Variants in RBFOX1 observed in about 807,000 individuals in gnomAD.
RBFOX1 encodes the protein RNA binding fox-1 homolog 1.
A neutral mutation model predicts 57.7 loss-of-function variants in RBFOX1; 8 were observed. That is an observed-to-expected ratio of 0.14 (90% CI 0.08 to 0.25). RBFOX1 has a LOEUF of 0.25. RBFOX1 is among the 10% of genes least tolerant of loss of function. RBFOX1 has a pLI of 1.00. For synonymous variants in RBFOX1, 326 were observed against 222.4 expected, an observed-to-expected ratio of 1.47 and a Z score of -4.15; for missense variants, 611 against 548.5, an observed-to-expected ratio of 1.11 and a Z score of -1.14.
At chr16:7,184,871 A>G (rs577858711) in intron 4 of RBFOX1, among the ~76,000 whole-genome samples, 5 of 152,184 alleles carry the variant, frequency 3.3e-5, no homozygotes, top group Non-Finnish European at 5.9e-5. Flanking sequence ...TACTAACACT[A>G]TTAATAATGT....
intron 2 of RBFOX1, among the ~76,000 whole-genome samples, chr16:5,497,063 A>T (rs1367272918): frequency 6.6e-6 from 1 of 152,118 alleles, no homozygotes; most frequent in East Asian, 1.9e-4. Flanking sequence ...ATCGTTTTTT[A>T]TCCAGACAAT....
chr16:5,953,062 A>G (rs905646911), intron 4 of RBFOX1, among the ~76,000 whole-genome samples: 11 of 151,842 alleles, frequency 7.2e-5, no homozygotes, highest in Non-Finnish European at 1.0e-4. Context: ...GATTATCAAG[A>G]AAGTACCACT....
At chr16:6,521,526 C>T (rs1157779190) in intron 2 of RBFOX1, among the ~76,000 whole-genome samples, 1 of 146,962 alleles carries the variant, frequency 6.8e-6, no homozygotes, top group Non-Finnish European at 1.5e-5. Flanking sequence ...CTTTTCCCTC[C>T]CTCCTTCCTC....
intron 4 of RBFOX1, among the ~76,000 whole-genome samples, chr16:5,977,763 C>G (rs1162226388): frequency 2.0e-5 from 3 of 152,106 alleles, no homozygotes; most frequent in Admixed American, 6.5e-5. Context: ...GGGCAGGCAA[C>G]TAGCCCACTG....
At chr16:6,128,192 CTT>C (rs2096603995) in intron 1 of RBFOX1, among the ~76,000 whole-genome samples, 2 of 151,924 alleles carry the variant, frequency 1.3e-5, no homozygotes, top group Admixed American at 6.6e-5. Flanking sequence ...ATAGAATAAA[CTT>C]TTGATATATT....
intron 2 of RBFOX1, among the ~76,000 whole-genome samples, chr16:6,643,763 G>C (rs1201838610): frequency 6.6e-6 from 1 of 152,066 alleles, no homozygotes; most frequent in Non-Finnish European, 1.5e-5. Flanking sequence ...CTGTAAAATG[G>C]AAACACTGGG....
At chr16:5,547,477 C>G (rs1420579571) in intron 2 of RBFOX1, among the ~76,000 whole-genome samples, 1 of 151,918 alleles carries the variant, frequency 6.6e-6, no homozygotes, top group African/African-American at 2.4e-5. Context: ...GTCTCAAAAT[C>G]TTTATGCTCA....
chr16:5,675,218 G>A (rs550687065), intron 3 of RBFOX1, among the ~76,000 whole-genome samples: 6 of 150,264 alleles, frequency 4.0e-5, no homozygotes, highest in African/African-American at 7.3e-5. Context: ...ATGTACTCAC[G>A]CACACACACA....
At chr16:7,479,279 A>G (rs1189383023) in intron 4 of RBFOX1, among the ~76,000 whole-genome samples, 1 of 151,838 alleles carries the variant, frequency 6.6e-6, no homozygotes, top group Non-Finnish European at 1.5e-5. Context: ...ATGCACCACC[A>G]CACTGGCTAA....
At chr16:7,557,971 C>T (rs1175575423) in intron 5 of RBFOX1, among the ~76,000 whole-genome samples, 1 of 152,054 alleles carries the variant, frequency 6.6e-6, no homozygotes, top group African/African-American at 2.4e-5. Flanking sequence ...TCTAAACAAA[C>T]AAACAAAAAA....
At chr16:6,273,258 T>A (rs991653441) in intron 1 of RBFOX1, among the ~76,000 whole-genome samples, 3 of 147,604 alleles carry the variant, frequency 2.0e-5, no homozygotes, top group Non-Finnish European at 4.5e-5. Flanking sequence ...GACTCTGTTT[T>A]AAAAAAAAAC....
chr16:6,018,097 G>A (rs116241476), upstream of RBFOX1, among the ~76,000 whole-genome samples: 218 of 151,622 alleles, frequency 1.4e-3, 2 homozygotes, highest in African/African-American at 5.0e-3. Context: ...ACAACTCACT[G>A]AACCTCAGAC....
At chr16:7,495,375 T>C (rs1403814229) in intron 4 of RBFOX1, among the ~76,000 whole-genome samples, 1 of 152,236 alleles carries the variant, frequency 6.6e-6, no homozygotes, top group African/African-American at 2.4e-5. Flanking sequence ...CTGTTTTAAG[T>C]TCTTTGAGAA....
At chr16:6,633,453 TTTA>T (rs556251829) in intron 2 of RBFOX1, among the ~76,000 whole-genome samples, 1 of 151,972 alleles carries the variant, frequency 6.6e-6, no homozygotes, top group Non-Finnish European at 1.5e-5. Flanking sequence ...GATTTTTGCA[TTTA>T]TTATTATTAT....
chr16:5,258,845 G>C (rs2062655512), intron 1 of RBFOX1, among the ~76,000 whole-genome samples: 1 of 152,092 alleles, frequency 6.6e-6, no homozygotes. Context: ...GAAGCCGGGA[G>C]GTGGAAGTTG....
At chr16:7,178,678 CT>C (rs2082125718) in intron 4 of RBFOX1, among the ~76,000 whole-genome samples, 1 of 152,132 alleles carries the variant, frequency 6.6e-6, no homozygotes, top group Non-Finnish European at 1.5e-5. Flanking sequence ...TTATTATACT[CT>C]TCTACTTGAT....
At chr16:6,370,550 T>G (rs1487890789) in intron 2 of RBFOX1, among the ~76,000 whole-genome samples, 2 of 151,998 alleles carry the variant, frequency 1.3e-5, no homozygotes, top group Non-Finnish European at 2.9e-5. Flanking sequence ...TGGACAAACC[T>G]TGAAACATTA....
At chr16:5,647,572 C>T (rs921127525) in intron 3 of RBFOX1, among the ~76,000 whole-genome samples, 9 of 152,188 alleles carry the variant, frequency 5.9e-5, no homozygotes, top group Non-Finnish European at 1.2e-4. Flanking sequence ...AACCCCACCT[C>T]TTCTCCTTTC....
At chr16:7,154,420 T>C (rs552718118) in intron 4 of RBFOX1, among the ~76,000 whole-genome samples, 6 of 152,306 alleles carry the variant, frequency 3.9e-5, no homozygotes, top group African/African-American at 9.6e-5. Flanking sequence ...TTGAAAGATA[T>C]GGTCCCATCA....
Sources: gnomAD v4.1 joint callset for allele counts (sites outside exome capture counted in the v4.1 genomes callset) on GRCh38, gnomAD v4.1.1 for gene constraint, MANE v1.5 for transcripts, NCBI Gene and HGNC (gene_info 2026-07-23, HGNC 2026-07-21) for gene names.